Variants in ZNF75D observed in about 807,000 individuals in gnomAD.
ZNF75D encodes the protein zinc finger protein 75.
A neutral mutation model predicts 33.3 loss-of-function variants in ZNF75D; 33 were observed. That is an observed-to-expected ratio of 0.99 (90% CI 0.75 to 1.32). The LOEUF is 1.32. ZNF75D is among the 40% of genes most tolerant of loss of function. ZNF75D has a pLI of 0.00. For missense variants in ZNF75D, 338 were observed against 367.5 expected, an observed-to-expected ratio of 0.92 and a Z score of 0.66; for synonymous variants, 113 against 130.6, an observed-to-expected ratio of 0.87 and a Z score of 0.92.
chrX:135,262,303 G>A (rs1377792722), intron 1 of ZNF75D, among the ~76,000 whole-genome samples: 1 of 111,348 alleles, frequency 9.0e-6, no homozygotes. Flanking sequence ...GTATCTTTGT[G>A]GTGTTCTCTG....
intron 1 of ZNF75D, among the ~76,000 whole-genome samples, chrX:135,322,227 A>C (rs140573122): frequency 0.011 from 1,217 of 112,091 alleles, 8 homozygotes; most frequent in Middle Eastern, 0.019. Context: ...GGACCCCCGC[A>C]GCTGCCAAAA....
At chrX:135,250,687 T>C (rs1403874439) in intron 3 of ZNF75D, among the ~76,000 whole-genome samples, 5 of 95,743 alleles carry the variant, frequency 5.2e-5, no homozygotes, top group Non-Finnish European at 1.0e-4. Flanking sequence ...GCTCAAGCGA[T>C]CCACTCCCCT....
At chrX:135,330,544 G>T (rs941184467) in intron 1 of ZNF75D, 5 of 111,939 alleles carry the variant, frequency 4.5e-5, no homozygotes, top group African/African-American at 1.3e-4. Flanking sequence ...TTACTCGGTA[G>T]ACAACTGGGG....
chrX:135,262,266 G>A (rs1215572228), intron 1 of ZNF75D, among the ~76,000 whole-genome samples: 2 of 111,351 alleles, frequency 1.8e-5, no homozygotes, highest in Non-Finnish European at 3.8e-5. Context: ...TGACAATTAT[G>A]TGTCTTGGGG....
At chrX:135,310,379 C>T (rs2084345154) in intron 1 of ZNF75D, among the ~76,000 whole-genome samples, 1 of 111,851 alleles carries the variant, frequency 8.9e-6, no homozygotes, top group African/African-American at 3.3e-5. Context: ...TCAGATACTC[C>T]AAGAAACCTG....
chrX:135,257,963 C>CCTT (rs2083814386), intron 1 of ZNF75D, among the ~76,000 whole-genome samples: 1 of 100,373 alleles, frequency 1.0e-5, no homozygotes, highest in Non-Finnish European at 2.1e-5. Context: ...CCTCCCGGAG[C>CCTT]CCCCCCACCA....
At chrX:135,325,759 G>C (rs782020548) in intron 1 of ZNF75D, among the ~76,000 whole-genome samples, 1 of 110,959 alleles carries the variant, frequency 9.0e-6, no homozygotes, top group African/African-American at 3.4e-5. Context: ...GCTCCTGTGC[G>C]GCCTGAGCCT....
chrX:135,291,386 G>A (rs1189209535), intron 5 of ZNF75D, 86 bp downstream of exon 5: 3 of 1,086,855 alleles, frequency 2.8e-6, no homozygotes, highest in Non-Finnish European at 2.5e-6. Context: ...AGCACCTGCT[G>A]GACACTATGA....
intron 1 of ZNF75D, among the ~76,000 whole-genome samples, chrX:135,276,382 G>A (rs1556417580): frequency 8.9e-6 from 1 of 111,927 alleles, no homozygotes; most frequent in African/African-American, 3.3e-5. Context: ...CATGGCTATT[G>A]AGAATAGTGC....
chrX:135,258,339 A>T lies in ZNF75D; in HGVS notation n.828-2562T>A, dbSNP rs4351559. Among the ~76,000 whole-genome samples, 1,167 of 110,308 alleles carry T rather than the reference A, an allele frequency of 0.011. 39 individuals are homozygous for T. The East Asian group carries it at 0.14, about 13-fold the overall frequency. On this transcript the variant is annotated intron_variant and non_coding_transcript_variant, in intron 1 of 3. Transcript: ENST00000494295. ...AATGTGATTACTGGGTCAAATGGTA[A>T]TTCTAGTTCTAGATCCTTGAGGAAT...
intron 1 of ZNF75D, among the ~76,000 whole-genome samples, chrX:135,315,839 C>A (rs1188917330): frequency 8.9e-6 from 1 of 111,808 alleles, no homozygotes; most frequent in Non-Finnish European, 1.9e-5. Context: ...GTGCATTTAT[C>A]ATAGGCAGCA....
chrX:135,291,970 G>T (rs895067613), intron 4 of ZNF75D, among the ~76,000 whole-genome samples: 1 of 111,935 alleles, frequency 8.9e-6, no homozygotes, highest in Non-Finnish European at 1.9e-5. Context: ...GATAGCCCAT[G>T]TCTGTCCCCA....
chrX:135,263,557 G>A (rs1044432236), intron 1 of ZNF75D, among the ~76,000 whole-genome samples: 3 of 112,703 alleles, frequency 2.7e-5, no homozygotes, highest in Non-Finnish European at 5.6e-5. Flanking sequence ...TTGCTGTTTC[G>A]CAGATCGAAC....
chrX:135,318,640 A>C (rs1369765625), intron 1 of ZNF75D, among the ~76,000 whole-genome samples: 1 of 112,034 alleles, frequency 8.9e-6, no homozygotes, highest in Non-Finnish European at 1.9e-5. Context: ...ATTATAAACA[A>C]AAATTAATAA....
intron 1 of ZNF75D, among the ~76,000 whole-genome samples, chrX:135,261,389 C>T (rs1403987439): frequency 2.7e-5 from 3 of 111,827 alleles, no homozygotes; most frequent in African/African-American, 9.8e-5. Flanking sequence ...CTAATATTGA[C>T]AGTGGGGTGT....
At chrX:135,323,598 T>C (rs1481544054) in intron 1 of ZNF75D, among the ~76,000 whole-genome samples, 1 of 111,545 alleles carries the variant, frequency 9.0e-6, no homozygotes, top group Non-Finnish European at 1.9e-5. Context: ...TTACAGACAG[T>C]AGTCACAGGG....
intron 1 of ZNF75D, chrX:135,330,275 G>A (rs1274490655): frequency 9.0e-6 from 1 of 111,674 alleles, no homozygotes; most frequent in African/African-American, 3.3e-5. Context: ...GGGTATGGGT[G>A]TGCGTGTGTG....
chrX:135,276,104 G>A (rs1335680003), intron 1 of ZNF75D, among the ~76,000 whole-genome samples: 5 of 111,592 alleles, frequency 4.5e-5, no homozygotes, highest in African/African-American at 1.6e-4. Context: ...CTCTCTCTCT[G>A]TGCAAATTGG....
At chrX:135,282,796 G>T (rs1296189897), downstream of ZNF75D, among the ~76,000 whole-genome samples, 2 of 111,538 alleles carry the variant, frequency 1.8e-5, no homozygotes, top group African/African-American at 6.5e-5. Context: ...CCTTGCTTCT[G>T]CTCACCCTCC....
Sources: allele counts gnomAD v4.1 joint callset (sites outside exome capture counted in the v4.1 genomes callset), GRCh38; gene constraint gnomAD v4.1.1; transcripts MANE v1.5; gene names NCBI Gene and HGNC (gene_info 2026-07-23, HGNC 2026-07-21).